Variants in NBEAL1 observed in about 807,000 individuals in gnomAD.
NBEAL1 encodes neurobeachin like 1.
A neutral mutation model predicts 351.3 loss-of-function variants in NBEAL1; 273 were observed. The ratio of observed to expected loss-of-function variants is 0.78; its 90% CI spans 0.70 to 0.86. NBEAL1 has a LOEUF of 0.86. NBEAL1 is among the 40% of genes least tolerant of loss of function. The probability of loss-of-function intolerance (pLI) is 0.00; values close to 1 mark genes in which losing one functional copy is unlikely to be tolerated. For missense variants in NBEAL1, 2,961 were observed against 3,201.3 expected (o/e 0.92, Z 1.81); for synonymous variants, 1,050 against 1,086.4 (o/e 0.97, Z 0.66).
chr2:203,126,067 G>T lies in NBEAL1; in HGVS notation c.2959G>T (p.Ala987Ser). 1 of 1,543,798 alleles carries T rather than the reference G, an allele frequency of 6.5e-7. No individual in the cohort carries two copies. Among genetic ancestry groups the T allele is most frequent in the Non-Finnish European group, 8.7e-7 (1 of 1,143,996 alleles). The part of the protein sequence containing the change: ...QGNLIHSHGV[A>S]TLGALLQKVP... ...CAATCTTATTCACTCCCATGGAGTT[G>T]CAACTCTTGGTGCTTTACTTCAGAA... is the stretch of plus-strand genomic sequence containing the variant. The change falls in exon 21 of 56, where the codon GCA becomes TCA. Residue 987 changes from alanine to serine, a missense_variant. By Grantham distance (99) the Ala-to-Ser change is moderately conservative. Coordinates refer to ENST00000683969, the MANE Select transcript of NBEAL1 (RefSeq NM_001378026.1).
intron 24 of NBEAL1, among the ~76,000 whole-genome samples, chr2:203,129,243 G>A (rs928706231): frequency 2.0e-5 from 3 of 152,018 alleles, no homozygotes; most frequent in African/African-American, 7.3e-5. Context: ...TCACACAACT[G>A]ATAAACCTGA....
In NBEAL1 at chr2:203,183,373, A is replaced by C. The variant is rs746601180; in HGVS notation, c.6690A>C (p.Lys2230Asn). The C allele has an allele frequency of 2.5e-6, 4 of 1,571,276 alleles. No individual in the cohort carries two copies. The East Asian group carries it at 9.1e-5, about 36-fold the overall frequency. The change falls in exon 44 of 56, where the codon AAA (lysine) becomes AAC (asparagine). Residue 2230 changes from lysine (K) to asparagine (N), a missense_variant. Physicochemically the swap from Lys to Asn is moderately conservative, Grantham distance 94. Transcript: ENST00000683969. ...AATCAGCTGAAGATTTCATCTATAA[A>C]CATAGGAAAGCTTTGGTAAGAGTTT... ...WAKSAEDFIYKHRKALESEYV... is the reference protein window; with the variant it reads ...WAKSAEDFIYNHRKALESEYV...
intron 2 of NBEAL1, among the ~76,000 whole-genome samples, chr2:203,033,341 A>G (rs905416571): frequency 6.6e-6 from 1 of 152,154 alleles, no homozygotes; most frequent in African/African-American, 2.4e-5. Flanking sequence ...AATTTATTGT[A>G]TGTATTTTCA....
chr2:203,036,645 G>T (rs529918839), intron 2 of NBEAL1, among the ~76,000 whole-genome samples: 3 of 148,996 alleles, frequency 2.0e-5, no homozygotes, highest in African/African-American at 7.3e-5. Context: ...TTACTGTATG[G>T]CAGATATTCA....
At chr2:203,078,499 C>T (rs1210712693) in intron 8 of NBEAL1, among the ~76,000 whole-genome samples, 1 of 152,064 alleles carries the variant, frequency 6.6e-6, no homozygotes, top group Non-Finnish European at 1.5e-5. Flanking sequence ...CACCACCATG[C>T]CCAGTTAATT....
intron 14 of NBEAL1, among the ~76,000 whole-genome samples, chr2:203,109,524 A>AT (rs897571671): frequency 1.1e-4 from 16 of 149,470 alleles, no homozygotes; most frequent in Admixed American, 2.7e-4. Flanking sequence ...ATGTCTTGTG[A>AT]TTTTTTTTTT....
intron 1 of NBEAL1, chr2:203,015,835 GTGGGCCTTT>G (rs2060670481): frequency 6.6e-6 from 1 of 152,350 alleles, no homozygotes; most frequent in African/African-American, 2.4e-5. Context: ...TGTCTGAGAT[GTGGGCCTTT>G]TCCTTGTATC....
At chr2:203,118,594 C>CTTTT (rs5837841) in intron 18 of NBEAL1, among the ~76,000 whole-genome samples, 3 of 144,786 alleles carry the variant, frequency 2.1e-5, no homozygotes, top group Non-Finnish European at 3.0e-5. Flanking sequence ...TGACAGCCAA[C>CTTTT]TTTTTTTTTT....
intron 8 of NBEAL1, among the ~76,000 whole-genome samples, chr2:203,078,497 T>A (rs1239146182): frequency 6.6e-6 from 1 of 152,016 alleles, no homozygotes; most frequent in Non-Finnish European, 1.5e-5. Context: ...CACACCACCA[T>A]GCCCAGTTAA....
intron 2 of NBEAL1, among the ~76,000 whole-genome samples, chr2:203,028,060 T>C (rs2060888837): frequency 6.6e-6 from 1 of 152,092 alleles, no homozygotes; most frequent in Non-Finnish European, 1.5e-5. Flanking sequence ...ATTTTTGTAT[T>C]TTTAGTAGAG....
intron 6 of NBEAL1, among the ~76,000 whole-genome samples, chr2:203,059,811 T>C (rs2061467614): frequency 6.6e-6 from 1 of 152,212 alleles, no homozygotes; most frequent in South Asian, 2.1e-4. Flanking sequence ...TTGAGCCCAA[T>C]AGTTCAAGGC....
chr2:203,095,329 T>C (rs932544585), intron 10 of NBEAL1, among the ~76,000 whole-genome samples: 5 of 152,052 alleles, frequency 3.3e-5, no homozygotes, highest in Admixed American at 3.3e-4. Context: ...AGTTTTGCTC[T>C]TGTTGACCAG....
At position 203,202,762 on chromosome 2, in the gene NBEAL1, T is replaced by A. The variant is rs769642265; in HGVS notation, c.7487T>A (p.Ile2496Lys). The change falls in exon 51 of 56, where the codon ATA becomes AAA. Residue 2496 changes from isoleucine to lysine, a missense_variant. Transcript: ENST00000683969. ...ISGSRDTTCM[I>K]WQITQQGGVP... ...GGTTCCAGAGATACTACATGTATGA[T>A]ATGGCAAATAACACAACAGGTAGTC... 5.7e-6 allele frequency: 9 copies of A among 1,585,576 alleles called. No homozygotes were observed. The East Asian group carries it at 2.0e-4, about 36-fold the overall frequency.
chr2:203,151,879 TTTCTC>T (rs1250484317), intron 35 of NBEAL1, among the ~76,000 whole-genome samples: 2 of 152,268 alleles, frequency 1.3e-5, no homozygotes, highest in South Asian at 2.1e-4. Flanking sequence ...ACAATGTTCT[TTTCTC>T]TTAGTTTTTT....
chr2:203,027,384 G>A (rs938321617), intron 2 of NBEAL1, among the ~76,000 whole-genome samples: 1 of 152,038 alleles, frequency 6.6e-6, no homozygotes, highest in South Asian at 2.1e-4. Context: ...CATTTTTCTT[G>A]ATGTTTTGTG....
chr2:203,202,645 C>G (rs752968226), intron 50 of NBEAL1, 42 bp from the exon 51 acceptor site: 1 of 1,147,348 alleles, frequency 8.7e-7, no homozygotes, highest in East Asian at 2.3e-5. Flanking sequence ...TCTATTTTAG[C>G]AAAACGAGGC....
chr2:203,027,869 A>G (rs945390539), intron 2 of NBEAL1, among the ~76,000 whole-genome samples: 2 of 150,696 alleles, frequency 1.3e-5, no homozygotes, highest in Non-Finnish European at 3.0e-5. Context: ...GTGCCACCAC[A>G]CCTGGCTATT....
intron 48 of NBEAL1, among the ~76,000 whole-genome samples, chr2:203,198,041 A>G (rs1219697279): frequency 8.6e-6 from 1 of 116,546 alleles, no homozygotes; most frequent in African/African-American, 3.3e-5. Flanking sequence ...TTTTTTTGAG[A>G]CAGAGTCTCA....
At chr2:203,176,647 G>A (rs1033017669) in intron 42 of NBEAL1, among the ~76,000 whole-genome samples, 10 of 151,002 alleles carry the variant, frequency 6.6e-5, no homozygotes, top group East Asian at 2.0e-4. Flanking sequence ...CATGAGAGTC[G>A]CTTGAACATG....
Sources: allele counts gnomAD v4.1 joint callset (sites outside exome capture counted in the v4.1 genomes callset), GRCh38; gene constraint gnomAD v4.1.1; transcripts MANE v1.5; gene names NCBI Gene and HGNC (gene_info 2026-07-23, HGNC 2026-07-21).